The following KLHL1 variants were observed in gnomAD, a reference collection of about 807,000 sequenced individuals.
KLHL1 encodes the protein kelch like family member 1.
In KLHL1, 47 loss-of-function variants were observed where a neutral mutation model predicts 77.7. That is an observed-to-expected ratio of 0.60 (90% CI 0.48 to 0.77). The LOEUF (loss-of-function observed/expected upper bound fraction) is 0.77, where lower values mean the gene tolerates loss of function less well. Among genes scored for constraint, KLHL1 ranks in the 30% least tolerant of loss-of-function variants. KLHL1 has a pLI of 0.00. For missense variants in KLHL1, 925 were observed against 910.8 expected (o/e 1.02, Z -0.20); for synonymous variants, 360 against 325.2 (o/e 1.11, Z -1.15).
At chr13:70,054,511 G>A (rs1886698873) in intron 1 of KLHL1, among the ~76,000 whole-genome samples, 1 of 151,928 alleles carries the variant, frequency 6.6e-6, no homozygotes, top group African/African-American at 2.4e-5. Flanking sequence ...TTTGTTTCCA[G>A]TTTAAGTTAT....
intron 1 of KLHL1, among the ~76,000 whole-genome samples, chr13:69,978,574 C>T (rs994880730): frequency 6.6e-6 from 1 of 151,512 alleles, no homozygotes; most frequent in African/African-American, 2.4e-5. Context: ...GCAACCTCTG[C>T]CCCCCGGGTT....
intron 6 of KLHL1, among the ~76,000 whole-genome samples, chr13:69,838,642 C>A (rs1468831532): frequency 6.6e-6 from 1 of 151,786 alleles, no homozygotes; most frequent in Non-Finnish European, 1.5e-5. Context: ...GAGATCCCAG[C>A]AAGAATTTGC....
At chr13:69,715,837 G>A (rs1876097819) in intron 9 of KLHL1, among the ~76,000 whole-genome samples, 1 of 152,046 alleles carries the variant, frequency 6.6e-6, no homozygotes, top group Non-Finnish European at 1.5e-5. Flanking sequence ...GGGAGAAGAA[G>A]CACATCACAA....
At chr13:69,803,178 AATAAG>A (rs1375133924) in intron 6 of KLHL1, 1 of 152,060 alleles carries the variant, frequency 6.6e-6, no homozygotes, top group African/African-American at 2.4e-5. Flanking sequence ...GGGAGTTTTA[AATAAG>A]ATATTAATAA....
At chr13:69,785,699 A>G (rs887861069) in intron 7 of KLHL1, among the ~76,000 whole-genome samples, 2 of 152,058 alleles carry the variant, frequency 1.3e-5, no homozygotes, top group African/African-American at 4.8e-5. Context: ...AAACCCTTCA[A>G]AAAATTAATG....
intron 5 of KLHL1, among the ~76,000 whole-genome samples, chr13:69,873,975 A>G (rs1880675247): frequency 6.6e-6 from 1 of 152,106 alleles, no homozygotes; most frequent in Admixed American, 6.5e-5. Context: ...TAAACATTTA[A>G]GCTGAAACGT....
At chr13:70,106,838 G>A (rs1322411173) in intron 1 of KLHL1, among the ~76,000 whole-genome samples, 4 of 152,124 alleles carry the variant, frequency 2.6e-5, no homozygotes, top group Non-Finnish European at 5.9e-5. Flanking sequence ...GATGTGTAAA[G>A]CAAAATTTCA....
intron 1 of KLHL1, among the ~76,000 whole-genome samples, chr13:70,013,526 C>A (rs1885586572): frequency 6.6e-6 from 1 of 152,132 alleles, no homozygotes; most frequent in Non-Finnish European, 1.5e-5. Flanking sequence ...GTAGAAAATA[C>A]CTCATGAAGT....
Position 70,065,078 on chromosome 13 carries a change from A to G in KLHL1, c.497+42125T>C, listed in dbSNP as rs570135664. On this transcript the variant is annotated intron_variant, in intron 1 of 10. Coordinates refer to ENST00000377844, the MANE Select transcript of KLHL1 (RefSeq NM_020866.3). ...GATAGGTCATAATCTTATCATCCAG[A>G]CTTGATACTCTAACCCTGTTTATTT... Among the ~76,000 whole-genome samples, 106 of 152,224 alleles carry G rather than the reference A, an allele frequency of 7.0e-4. 1 individual carries two copies. The Middle Eastern group carries it at 0.01, about 15-fold the overall frequency.
chr13:69,875,585 T>C (rs1233819858), intron 5 of KLHL1, among the ~76,000 whole-genome samples: 1 of 152,154 alleles, frequency 6.6e-6, no homozygotes. Flanking sequence ...AACATGTATA[T>C]GTATGAGGAG....
At chr13:70,044,962 C>A (rs1886460781) in intron 1 of KLHL1, among the ~76,000 whole-genome samples, 1 of 152,122 alleles carries the variant, frequency 6.6e-6, no homozygotes, top group Non-Finnish European at 1.5e-5. Context: ...AGTCATTTAA[C>A]CTTCTATGAC....
intron 7 of KLHL1, among the ~76,000 whole-genome samples, chr13:69,779,094 G>A (rs974846452): frequency 1.9e-4 from 29 of 151,916 alleles, no homozygotes; most frequent in African/African-American, 4.8e-4. Flanking sequence ...CACCATGCCC[G>A]GTCAGTTATT....
rs145861949 is a variant in KLHL1 at position 69,814,618 on chromosome 13, A to T, written c.1415-17656T>A. Among the ~76,000 whole-genome samples the T allele has an allele frequency of 4.9e-3, 742 of 152,324 alleles. 4 individuals are homozygous for T. The highest frequency in any genetic ancestry group is 9.1e-3 in the South Asian group (44 of 4,832). ...TCTCAATAGAAACATACATGTGACC[A>T]AGAAACATAAAAAATACTCAACATC... On this transcript the variant is annotated intron_variant, in intron 6 of 10. Coordinates refer to ENST00000377844, the MANE Select transcript of KLHL1 (RefSeq NM_020866.3).
chr13:69,970,824 A>G (rs1292600119), intron 2 of KLHL1, among the ~76,000 whole-genome samples: 1 of 152,114 alleles, frequency 6.6e-6, no homozygotes, highest in African/African-American at 2.4e-5. Flanking sequence ...CTTTAAATCC[A>G]TCATGAAAAC....
intron 3 of KLHL1, among the ~76,000 whole-genome samples, chr13:69,960,346 A>G (rs1884026827): frequency 6.6e-6 from 1 of 151,996 alleles, no homozygotes; most frequent in African/African-American, 2.4e-5. Flanking sequence ...ACTAGGCCAG[A>G]ACCTGCCTTT....
intron 1 of KLHL1, among the ~76,000 whole-genome samples, chr13:69,980,092 A>T (rs988154104): frequency 6.6e-6 from 1 of 152,194 alleles, no homozygotes; most frequent in Admixed American, 6.5e-5. Context: ...AACATGCTTT[A>T]CTGTTCTCGT....
At chr13:69,964,595 A>G (rs1488797271) in intron 2 of KLHL1, among the ~76,000 whole-genome samples, 1 of 152,152 alleles carries the variant, frequency 6.6e-6, no homozygotes, top group East Asian at 1.9e-4. Flanking sequence ...ACTCTCTGAT[A>G]CATTCTAGGA....
intron 1 of KLHL1, among the ~76,000 whole-genome samples, chr13:70,047,089 A>G (rs1886518856): frequency 6.6e-6 from 1 of 152,164 alleles, no homozygotes; most frequent in Admixed American, 6.5e-5. Context: ...CAAACCCAAC[A>G]GTGAACACAA....
At chr13:69,809,269 G>A (rs1348397142) in intron 6 of KLHL1, among the ~76,000 whole-genome samples, 2 of 152,018 alleles carry the variant, frequency 1.3e-5, no homozygotes, top group Non-Finnish European at 2.9e-5. Context: ...ACTATGCAAG[G>A]TCAATGCAAA....
Sources: allele counts gnomAD v4.1 joint callset (sites outside exome capture counted in the v4.1 genomes callset), GRCh38; gene constraint gnomAD v4.1.1; transcripts MANE v1.5; gene names NCBI Gene and HGNC (gene_info 2026-07-23, HGNC 2026-07-21).